Variants in DST observed in about 807,000 individuals in gnomAD.
DST encodes bullous pemphigoid antigen.
A neutral mutation model predicts 875.2 loss-of-function variants in DST; 253 were observed. The ratio of observed to expected loss-of-function variants is 0.29; its 90% confidence interval spans 0.26 to 0.32. DST has a LOEUF of 0.32. Among genes scored for constraint, DST ranks in the 10% least tolerant of loss-of-function variants. The pLI, the probability that DST is intolerant of heterozygous loss-of-function variation, is 1.00. For missense variants in DST, 8,287 were observed against 9,111.6 expected (o/e 0.91, Z 3.68); for synonymous variants, 3,124 against 3,197.1 (o/e 0.98, Z 0.77).
chr6:56,909,253 G>A (rs1797812140), intron 2 of DST, among the ~76,000 whole-genome samples: 1 of 152,098 alleles, frequency 6.6e-6, no homozygotes, highest in Non-Finnish European at 1.5e-5. Context: ...ATCCATGTTT[G>A]CCTTTTTTTG....
In DST at chr6:56,954,619, G is replaced by T. The variant is rs1223929200; in HGVS notation, c.-32C>A. ...GGCGAGGCGAGGGCGACTCGACGGCGGGGCTGGAGGGCGGCGGCACAGGCA... is the reference window on the plus strand; with the variant it reads ...GGCGAGGCGAGGGCGACTCGACGGCTGGGCTGGAGGGCGGCGGCACAGGCA... On this transcript the variant is annotated 5_prime_UTR_variant, in exon 1 of 104. Transcript: ENST00000680361. 2.3e-6 allele frequency: 3 copies of T among 1,297,360 alleles called. No individual in the cohort carries two copies. The highest frequency in any genetic ancestry group is 3.0e-6 in the Non-Finnish European group (3 of 988,422). The allele number at this position is 1,297,360 out of a possible 1,614,324, so 80.4% of individuals were successfully genotyped here. A position where few individuals can be genotyped will look rare whatever the true frequency, so the allele number is the denominator to read the frequency against.
At chr6:56,936,632 GT>G (rs1189776185) in intron 2 of DST, among the ~76,000 whole-genome samples, 1 of 151,944 alleles carries the variant, frequency 6.6e-6, no homozygotes, top group Non-Finnish European at 1.5e-5. Context: ...TTTACGTTTG[GT>G]TTTTATCTTC....
rs769812737 is a variant in DST at position 56,634,151 on chromosome 6, C to A, written c.3602G>T (p.Arg1201Leu). The change falls in exon 27 of 104, where the codon CGA becomes CTA. Residue 1201 changes from arginine (R) to leucine (L), a missense_variant. Arg to Leu is a moderately radical substitution (Grantham distance 102, BLOSUM62 -2). Coordinates refer to ENST00000680361, the MANE Select transcript of DST (RefSeq NM_001374736.1). ...HYLINEIDRI[R>L]ASNVASIKTM... ...ACTTACTGAAGCCACATTGCTAGCT[C>A]GAATTCTATCAATTTCATTGATGAG... is the stretch of plus-strand genomic sequence containing the variant. 8 of 1,613,038 alleles carry A rather than the reference C, an allele frequency of 5.0e-6. No individual in the cohort carries two copies. The African/African-American group carries it at 1.1e-4, about 22-fold the overall frequency.
chr6:56,614,422 T>A lies in DST; in HGVS notation c.4992A>T (p.Val1664=). 1 of 1,611,450 alleles carries A rather than the reference T, an allele frequency of 6.2e-7. No individual in the cohort carries two copies. The highest frequency in any genetic ancestry group is 2.2e-5 in the East Asian group (1 of 44,750). ...VEKAKELQKW[V]SNISKTLKDA... is the part of the protein sequence containing the mutation. ...CTTTCAATGTCTTGCTGATATTTGA[T>A]ACCCATTTTTGCAATTCTTTGGCTT... The change falls in exon 37 of 104, where the codon GTA becomes GTT. Residue 1664 remains valine (V), a synonymous_variant. Coordinates refer to ENST00000680361, the MANE Select transcript of DST (RefSeq NM_001374736.1).
At chr6:56,741,653 T>G (rs999571833) in intron 4 of DST, among the ~76,000 whole-genome samples, 1 of 152,200 alleles carries the variant, frequency 6.6e-6, no homozygotes, top group Non-Finnish European at 1.5e-5. Flanking sequence ...AAGGGAGTAT[T>G]CCAGATTACA....
chr6:56,497,911 T>C lies in DST; in HGVS notation c.20039A>G (p.Asn6680Ser), dbSNP rs1172629914. 3 of 1,613,210 alleles carry C rather than the reference T, an allele frequency of 1.9e-6. No individual in the cohort carries two copies. Among genetic ancestry groups the C allele is most frequent in the East Asian group, 2.2e-5 (1 of 44,866 alleles). ...CCTTTGTTCTGTTTTTTCCAAAACA[T>C]TTTGCCAGCGTTGATTTAAAACCTC... ...KLEVLNQRWQ[N>S]VLEKTEQRKQ... Residue 6680 changes from asparagine (N) to serine (S), a missense_variant, in exon 81 of 104, where the codon AAT (asparagine) becomes AGT (serine). Transcript: ENST00000680361.
chr6:56,502,934 C>A (rs2096184223), intron 78 of DST, among the ~76,000 whole-genome samples: 1 of 152,032 alleles, frequency 6.6e-6, no homozygotes, highest in East Asian at 1.9e-4. Flanking sequence ...AATAGCTGAT[C>A]CCATTTTGAT....
intron 86 of DST, among the ~76,000 whole-genome samples, chr6:56,488,054 T>C (rs2095620686): frequency 6.6e-6 from 1 of 152,200 alleles, no homozygotes; most frequent in Admixed American, 6.5e-5. Context: ...TAATTTGTCA[T>C]GGGTAATAGG....
chr6:56,713,491 T>C (rs2152897712), intron 5 of DST, among the ~76,000 whole-genome samples: 1 of 152,306 alleles, frequency 6.6e-6, no homozygotes, highest in East Asian at 1.9e-4. Flanking sequence ...GGCTCTATCC[T>C]TAACCGAACA....
chr6:56,592,782 G>A (rs2098302368), intron 48 of DST, among the ~76,000 whole-genome samples: 1 of 152,018 alleles, frequency 6.6e-6, no homozygotes, highest in African/African-American at 2.4e-5. Context: ...ATATTAGAAT[G>A]GAGCAAAGTC....
intron 4 of DST, among the ~76,000 whole-genome samples, chr6:56,758,428 G>C (rs1374213962): frequency 7.1e-5 from 10 of 141,076 alleles, no homozygotes; most frequent in Admixed American, 6.7e-4. Context: ...AAGGAACCTG[G>C]GTCCCTGTTC....
In DST at chr6:56,511,376, G is replaced by A. The variant is rs371649829; in HGVS notation, c.18601C>T (p.His6201Tyr). 1.2e-6 allele frequency: 2 copies of A among 1,606,238 alleles called. No homozygotes were observed. Among genetic ancestry groups the A allele is most frequent in the East Asian group, 2.2e-5 (1 of 44,696 alleles). The change falls in exon 73 of 104, where the codon CAC becomes TAC. Residue 6201 changes from histidine (H) to tyrosine (Y), a missense_variant. Physicochemically the swap from His to Tyr is moderately conservative, Grantham distance 83. Transcript: ENST00000680361. ...TTCATCTTATCTATATGAGGCTTGT[G>A]TTCAGCTATCAACTCACGCAGTTGC... ...HRQLRELIAE[H>Y]KPHIDKMNKT...
chr6:56,575,380 T>C (rs1481368995), intron 50 of DST, among the ~76,000 whole-genome samples: 1 of 151,994 alleles, frequency 6.6e-6, no homozygotes, highest in East Asian at 1.9e-4. Flanking sequence ...AGAAAAAAAA[T>C]GAGCTCTAAT....
intron 57 of DST, 91 bp downstream of exon 57, chr6:56,561,217 A>C (rs1163222035): frequency 7.2e-7 from 1 of 1,387,808 alleles, no homozygotes; most frequent in Non-Finnish European, 9.6e-7. Context: ...TAGAAAAGAA[A>C]ACAGAGCAGA....
intron 2 of DST, among the ~76,000 whole-genome samples, chr6:56,905,426 AG>A (rs2127702788): frequency 6.6e-6 from 1 of 152,246 alleles, no homozygotes; most frequent in South Asian, 2.1e-4. Context: ...CCTTCCCTCC[AG>A]CCCCTGGCAA....
intron 49 of DST, among the ~76,000 whole-genome samples, chr6:56,579,267 CCAACTACTACTAAAACAAA>C (rs2097921045): frequency 1.3e-5 from 2 of 152,084 alleles, no homozygotes; most frequent in Admixed American, 1.3e-4. Context: ...GTACAATACC[CCAACTACTACTAAAACAAA>C]CAACAACCAA....
At chr6:56,686,165 T>A (rs924383699) in intron 9 of DST, among the ~76,000 whole-genome samples, 3 of 152,214 alleles carry the variant, frequency 2.0e-5, no homozygotes, top group South Asian at 4.1e-4. Context: ...CGGATGCAGC[T>A]GGAAGCCATT....
chr6:56,942,279 G>A (rs1816993136), intron 2 of DST, among the ~76,000 whole-genome samples: 1 of 152,042 alleles, frequency 6.6e-6, no homozygotes, highest in South Asian at 2.1e-4. Context: ...GTTCATCTAT[G>A]TCTCATAATT....
intron 5 of DST, among the ~76,000 whole-genome samples, chr6:56,716,006 G>T (rs1214648468): frequency 6.6e-6 from 1 of 152,134 alleles, no homozygotes; most frequent in Non-Finnish European, 1.5e-5. Context: ...AAATCTGTAT[G>T]CCTTTTTCTC....
Sources: gnomAD v4.1 joint callset for allele counts (sites outside exome capture counted in the v4.1 genomes callset) on GRCh38, gnomAD v4.1.1 for gene constraint, MANE v1.5 for transcripts, NCBI Gene and HGNC (gene_info 2026-07-23, HGNC 2026-07-21) for gene names.